RGPD2: variants seen among roughly 807,000 people sequenced by gnomAD.
The protein encoded by RGPD2 is RANBP2-like and GRIP domain-containing protein 2.
A neutral mutation model predicts 36.0 loss-of-function variants in RGPD2; 2 were observed. The ratio of observed to expected loss-of-function variants is 0.06; its 90% CI spans 0.02 to 0.17. The LOEUF is 0.17. Among genes scored for constraint, RGPD2 ranks in the 10% least tolerant of loss-of-function variants. The probability of loss-of-function intolerance (pLI) is 1.00; values close to 1 mark genes in which losing one functional copy is unlikely to be tolerated. For synonymous variants in RGPD2, 19 were observed against 163.8 expected (o/e 0.12, Z 6.75); for missense variants, 40 against 464.3 (o/e 0.09, Z 8.40).
chr2:87,985,757 A>G, the RGPD2 span: 9 of 1,609,100 alleles, frequency 5.6e-6, no homozygotes, highest in Middle Eastern at 2.3e-4. Context: ...GGTCTGTGTT[A>G]AAACCCATCA....
At chr2:87,824,825 G>GGCCGAGGCCGAGGCC (rs1686608320) in intron 1 of RGPD2, 2 of 93,174 alleles carry the variant, frequency 2.1e-5, no homozygotes, top group Admixed American at 2.3e-4. Context: ...GCCAGGCCGA[G>GGCCGAGGCCGAGGCC]GCCGCCGCCG....
At chr2:87,830,851 A>G in the RGPD2 span, among the ~76,000 whole-genome samples, 1 of 152,066 alleles carries the variant, frequency 6.6e-6, no homozygotes, top group Non-Finnish European at 1.5e-5. Flanking sequence ...CCCATGATTC[A>G]ATTACTTCCT....
At chr2:87,878,739 C>T in the RGPD2 span, among the ~76,000 whole-genome samples, 9 of 152,286 alleles carry the variant, frequency 5.9e-5, no homozygotes, top group East Asian at 5.8e-4. Flanking sequence ...TCCATCCAAA[C>T]GCTTACCCCC....
At chr2:87,985,608 TATC>T in the RGPD2 span, 13 of 963,128 alleles carry the variant, frequency 1.3e-5, no homozygotes, top group Admixed American at 1.0e-4. Context: ...TAAACCTTAA[TATC>T]ATTCTATTAT....
At chr2:87,877,523 G>C in the RGPD2 span, among the ~76,000 whole-genome samples, 3 of 152,060 alleles carry the variant, frequency 2.0e-5, no homozygotes, top group Non-Finnish European at 2.9e-5. Context: ...AATATTGACA[G>C]CCAGGCGCAG....
chr2:87,911,651 T>G, the RGPD2 span, among the ~76,000 whole-genome samples: 1 of 152,020 alleles, frequency 6.6e-6, no homozygotes, highest in Admixed American at 6.6e-5. Flanking sequence ...ATTTTTAGCT[T>G]TGACTAACAG....
At chr2:87,988,127 T>C in the RGPD2 span, among the ~76,000 whole-genome samples, 1 of 151,084 alleles carries the variant, frequency 6.6e-6, no homozygotes, top group Non-Finnish European at 1.5e-5. Flanking sequence ...AACCAAGATA[T>C]GTCATGAACT....
At chr2:87,915,357 TTATA>T in the RGPD2 span, among the ~76,000 whole-genome samples, 2 of 116,482 alleles carry the variant, frequency 1.7e-5, no homozygotes, top group Non-Finnish European at 3.5e-5. Context: ...ATTATATATA[TTATA>T]TATATATGTA....
chr2:87,822,213 A>G (rs1351096351), intron 1 of RGPD2, among the ~76,000 whole-genome samples: 2 of 152,230 alleles, frequency 1.3e-5, no homozygotes, highest in Non-Finnish European at 2.9e-5. Context: ...GGGTAAGGAA[A>G]TCTCTCAAAA....
At chr2:87,983,845 A>G in the RGPD2 span, among the ~76,000 whole-genome samples, 1 of 152,144 alleles carries the variant, frequency 6.6e-6, no homozygotes, top group Non-Finnish European at 1.5e-5. Context: ...TGCTCAGGGA[A>G]CAGAGCTGAG....
At chr2:87,853,656 C>T in the RGPD2 span, among the ~76,000 whole-genome samples, 1 of 150,908 alleles carries the variant, frequency 6.6e-6, no homozygotes, top group Non-Finnish European at 1.5e-5. Flanking sequence ...ATATAAAATC[C>T]TGTCCCTTTT....
At chr2:87,860,658 C>T in the RGPD2 span, among the ~76,000 whole-genome samples, 2 of 151,942 alleles carry the variant, frequency 1.3e-5, no homozygotes, top group Admixed American at 6.6e-5. Flanking sequence ...CAACAGGCCA[C>T]AATAGTTTCA....
the RGPD2 span, among the ~76,000 whole-genome samples, chr2:87,934,654 T>C: frequency 1.3e-5 from 2 of 151,200 alleles, no homozygotes; most frequent in South Asian, 2.1e-4. Flanking sequence ...TCCATTTTTA[T>C]ATATTTCTAG....
At chr2:87,967,499 G>A in the RGPD2 span, among the ~76,000 whole-genome samples, 1 of 149,824 alleles carries the variant, frequency 6.7e-6, no homozygotes, top group Non-Finnish European at 1.5e-5. Context: ...AATGCAAGAT[G>A]GAAGAAGTAG....
chr2:87,815,214 C>T (rs1686252146), intron 4 of RGPD2, among the ~76,000 whole-genome samples: 1 of 141,520 alleles, frequency 7.1e-6, no homozygotes, highest in Non-Finnish European at 1.5e-5. Flanking sequence ...TCGGGTTAAA[C>T]AGGTTGAGTA....
the RGPD2 span, among the ~76,000 whole-genome samples, chr2:87,831,278 T>C: frequency 9.2e-5 from 14 of 151,992 alleles, no homozygotes; most frequent in Non-Finnish European, 1.9e-4. Context: ...CACAGGGCAA[T>C]AATGATTTTT....
the RGPD2 span, among the ~76,000 whole-genome samples, chr2:87,974,772 C>A: frequency 2.2e-4 from 33 of 152,186 alleles, no homozygotes; most frequent in Admixed American, 3.3e-4. Context: ...ATCCAGCCAC[C>A]ACTAAATCCT....
chr2:87,894,621 G>A, the RGPD2 span, among the ~76,000 whole-genome samples: 27,940 of 142,486 alleles, frequency 0.2, 1,568 homozygotes, highest in African/African-American at 0.42. Context: ...ACAGCAATTA[G>A]CAAGATTAAG....
At chr2:87,979,452 C>A in the RGPD2 span, among the ~76,000 whole-genome samples, 1 of 69,594 alleles carries the variant, frequency 1.4e-5, no homozygotes, top group Admixed American at 1.9e-4. Context: ...ATCTCAAAAG[C>A]ATTATGCTGA....
Sources: gnomAD v4.1 joint callset for allele counts (sites outside exome capture counted in the v4.1 genomes callset) on GRCh38, gnomAD v4.1.1 for gene constraint, MANE v1.5 for transcripts, NCBI Gene and HGNC (gene_info 2026-07-23, HGNC 2026-07-21) for gene names.